The following M1AP variants were observed in gnomAD, a reference collection of about 807,000 sequenced individuals.
M1AP encodes meiosis 1 associated protein, also known as meiosis 1 arrest protein.
Under a neutral mutation model 51.2 loss-of-function variants are expected in M1AP, and 39 were observed. The ratio of observed to expected loss-of-function variants is 0.76; its 90% confidence interval spans 0.59 to 1.00. The LOEUF is 1.00. Ranked by LOEUF, M1AP falls within the 50% of genes least tolerant of loss-of-function variation. The pLI is 0.00. For synonymous variants in M1AP, 251 were observed against 249.2 expected (o/e 1.01, Z -0.07); for missense variants, 545 against 641.2 (o/e 0.85, Z 1.62).
intron 2 of M1AP, among the ~76,000 whole-genome samples, chr2:74,634,277 A>C (rs527492952): frequency 6.6e-6 from 1 of 152,324 alleles, no homozygotes; most frequent in Non-Finnish European, 1.5e-5. Context: ...GTTGGTGGTT[A>C]CTATAGAGGC....
Position 74,640,271 on chromosome 2 carries a change from T to A in M1AP, c.5A>T (p.His2Leu), listed in dbSNP as rs149981067. 4.7e-4 allele frequency: 757 copies of A among 1,614,062 alleles called. No individual in the cohort carries two copies. Among genetic ancestry groups the A allele is most frequent in the Admixed American group, 6.3e-4 (38 of 60,020 alleles). The change falls in exon 2 of 11, where the codon CAT (histidine) becomes CTT (leucine). Residue 2 changes from histidine to leucine, a missense_variant. Physicochemically the swap from His to Leu is moderately conservative, Grantham distance 99. Coordinates refer to ENST00000421985, the MANE Select transcript of M1AP (RefSeq NM_001321739.2). ...CCCTTTACCAGTAGTTCGCCCAGGA[T>A]GCATGGCAGCAAAACCAGAGGGGGA... M[H>L]PGRTTGKGPS...
chr2:74,637,889 TA>T (rs1249332606), intron 2 of M1AP, among the ~76,000 whole-genome samples: 4 of 152,136 alleles, frequency 2.6e-5, no homozygotes, highest in African/African-American at 9.7e-5. Context: ...TTCAGGTCTT[TA>T]TAGAGTTCTG....
At chr2:74,562,860 G>A (rs1678119519) in intron 7 of M1AP, among the ~76,000 whole-genome samples, 1 of 152,104 alleles carries the variant, frequency 6.6e-6, no homozygotes, top group African/African-American at 2.4e-5. Context: ...AGGCTTCAGT[G>A]AGCCATGATT....
chr2:74,648,191 G>C (rs953633992), intron 1 of M1AP, 74 bp downstream of exon 1: 2 of 955,206 alleles, frequency 2.1e-6, no homozygotes, highest in Non-Finnish European at 2.5e-6. Context: ...CTCGGCCCAC[G>C]CCCAGCCCAG....
At chr2:74,563,525 G>A (rs1678169861) in intron 7 of M1AP, among the ~76,000 whole-genome samples, 1 of 151,818 alleles carries the variant, frequency 6.6e-6, no homozygotes, top group Non-Finnish European at 1.5e-5. Context: ...CTTGTACCTG[G>A]GAGGTGGAGG....
intron 2 of M1AP, among the ~76,000 whole-genome samples, chr2:74,631,536 T>C (rs1236413358): frequency 6.6e-6 from 1 of 152,168 alleles, no homozygotes; most frequent in Admixed American, 6.5e-5. Flanking sequence ...TTGAAGTGAT[T>C]CCATTTGAAT....
intron 2 of M1AP, among the ~76,000 whole-genome samples, chr2:74,633,851 T>C (rs1456824668): frequency 6.6e-6 from 1 of 152,202 alleles, no homozygotes; most frequent in Non-Finnish European, 1.5e-5. Context: ...GTATGGCTAT[T>C]GCACCACCTA....
chr2:74,648,254 G>A lies in M1AP; in HGVS notation c.-53+11C>T. On this transcript the variant is annotated intron_variant, in intron 1 of 10. Transcript: ENST00000421985. Reference sequence around the variant, plus strand: ...GGCTGCCCTCCCTCCCCGAGGCGTGGAGAACCGTACCTGTCTTCGGAAGAC... The same window carrying A: ...GGCTGCCCTCCCTCCCCGAGGCGTGAAGAACCGTACCTGTCTTCGGAAGAC... 2.0e-6 allele frequency: 2 copies of A among 984,378 alleles called. No individual in the cohort carries two copies. The highest frequency in any genetic ancestry group is 2.4e-6 in the Non-Finnish European group (2 of 828,948). The allele number at this position is 984,378 out of a possible 1,614,324, so 61.0% of individuals were successfully genotyped here.
intron 2 of M1AP, among the ~76,000 whole-genome samples, chr2:74,627,439 A>T (rs902412168): frequency 5.9e-5 from 9 of 152,178 alleles, no homozygotes; most frequent in African/African-American, 1.7e-4. Flanking sequence ...CGCAAATAAC[A>T]ATTTAATCTC....
intron 7 of M1AP, among the ~76,000 whole-genome samples, chr2:74,565,598 G>A (rs920620663): frequency 4.6e-5 from 7 of 152,108 alleles, no homozygotes; most frequent in African/African-American, 1.7e-4. Flanking sequence ...AGAGGCCGAG[G>A]TGGGTGGATC....
intron 4 of M1AP, among the ~76,000 whole-genome samples, chr2:74,596,458 T>TGA (rs1380163344): frequency 6.6e-6 from 1 of 152,150 alleles, no homozygotes; most frequent in Non-Finnish European, 1.5e-5. Context: ...GGCGGGCACC[T>TGA]GTAGTCCCAG....
intron 2 of M1AP, among the ~76,000 whole-genome samples, chr2:74,637,100 C>T (rs1432644113): frequency 2.6e-5 from 4 of 151,986 alleles, no homozygotes; most frequent in African/African-American, 7.2e-5. Context: ...GTGAAGTTGC[C>T]CCAGAGCTCA....
intron 2 of M1AP, chr2:74,628,791 T>C (rs531720652): frequency 1.4e-5 from 7 of 503,000 alleles, no homozygotes; most frequent in Admixed American, 1.2e-4. Flanking sequence ...ACAGAGAAGA[T>C]AGACAATGAT....
At chr2:74,621,309 A>G (rs1255017139) in intron 2 of M1AP, among the ~76,000 whole-genome samples, 1 of 151,334 alleles carries the variant, frequency 6.6e-6, no homozygotes, top group Non-Finnish European at 1.5e-5. Flanking sequence ...ACAAAAAAGC[A>G]CCAGAAAAGC....
intron 2 of M1AP, among the ~76,000 whole-genome samples, chr2:74,630,385 T>C (rs1324716392): frequency 6.6e-6 from 1 of 152,212 alleles, no homozygotes; most frequent in Non-Finnish European, 1.5e-5. Flanking sequence ...GTTTGTTACA[T>C]AGGTAAACGT....
intron 2 of M1AP, among the ~76,000 whole-genome samples, chr2:74,635,660 A>G (rs1179967171): frequency 6.6e-6 from 1 of 151,928 alleles, no homozygotes; most frequent in Non-Finnish European, 1.5e-5. Flanking sequence ...ACAAATTTTG[A>G]TATTTGTATT....
At chr2:74,607,276 A>C in intron 3 of M1AP, 53 bp from the exon 4 acceptor site, 1 of 1,573,104 alleles carries the variant, frequency 6.4e-7, no homozygotes, top group Non-Finnish European at 8.7e-7. Context: ...GTACAGAGTG[A>C]GGAACATAAC....
At chr2:74,645,792 C>G (rs1683575419) in intron 1 of M1AP, among the ~76,000 whole-genome samples, 1 of 152,284 alleles carries the variant, frequency 6.6e-6, no homozygotes, top group Middle Eastern at 3.4e-3. Flanking sequence ...CTGCTGTACA[C>G]TGCTGCTTTA....
intron 4 of M1AP, among the ~76,000 whole-genome samples, chr2:74,598,850 G>A (rs1680507941): frequency 3.3e-5 from 5 of 151,778 alleles, no homozygotes; most frequent in Admixed American, 3.3e-4. Context: ...TTGAACTCCT[G>A]GGCTCAAGTG....
Sources: gnomAD v4.1 joint callset for allele counts (sites outside exome capture counted in the v4.1 genomes callset) on GRCh38, gnomAD v4.1.1 for gene constraint, MANE v1.5 for transcripts, NCBI Gene and HGNC (gene_info 2026-07-23, HGNC 2026-07-21) for gene names.